The following HABP4 variants were observed in gnomAD, a reference collection of about 807,000 sequenced individuals.
HABP4 encodes hyaluronan binding protein 4.
A neutral mutation model predicts 44.1 loss-of-function variants in HABP4; 32 were observed. The ratio of observed to expected loss-of-function variants is 0.73; its 90% CI spans 0.55 to 0.97. The LOEUF (loss-of-function observed/expected upper bound fraction) is 0.97. Ranked by LOEUF, HABP4 falls within the 50% of genes least tolerant of loss-of-function variation. The pLI, the probability that HABP4 is intolerant of heterozygous loss-of-function variation, is 0.00. For missense variants in HABP4, 503 were observed against 561.9 expected (o/e 0.90, Z 1.06); for synonymous variants, 216 against 218.0 (o/e 0.99, Z 0.08).
rs1392519772 is a variant in HABP4 at position 96,488,247 on chromosome 9, G to C, written c.1158G>C (p.Glu386Asp). The stretch of plus-strand genomic sequence containing the variant: ...GCCGGGGAAGGATCAGGAGGGCAGA[G>C]AACTATGGACCCAGAGCAGAAGTGG... Reference protein sequence around the residue: ...RGGRGRIRRAENYGPRAEVVM... With the variant: ...RGGRGRIRRADNYGPRAEVVM... Residue 386 changes from glutamate to aspartate, a missense_variant, in exon 7 of 8, where the codon GAG becomes GAC. Glu to Asp is a conservative substitution (Grantham distance 45). This residue lies in a region of HABP4 where 82 missense variants were observed against 71.6 expected (regional missense o/e 1.15). Transcript: ENST00000375249. The surrounding 1 kb of genome is among the most constrained non-coding windows in gnomAD (Gnocchi z 4.6). 5 of 1,613,384 alleles carry C rather than the reference G, an allele frequency of 3.1e-6. No individual in the cohort carries two copies. Among genetic ancestry groups the C allele is most frequent in the Non-Finnish European group, 4.2e-6 (5 of 1,179,728 alleles).
intron 6 of HABP4, among the ~76,000 whole-genome samples, chr9:96,485,830 T>C (rs571757410): frequency 6.6e-6 from 1 of 152,332 alleles, no homozygotes; most frequent in East Asian, 1.9e-4. Context: ...GTATTAGTTA[T>C]TGATTTTCAT....
chr9:96,465,270 G>T (rs1832580038), intron 2 of HABP4, 67 bp from the exon 3 acceptor site: 1 of 1,000,452 alleles, frequency 1.0e-6, no homozygotes, highest in Admixed American at 2.1e-5. Flanking sequence ...TTTTCTTTTA[G>T]AATTTTTTTC....
chr9:96,456,896 A>G (rs551894390), intron 1 of HABP4, among the ~76,000 whole-genome samples: 1 of 147,962 alleles, frequency 6.8e-6, no homozygotes, highest in South Asian at 2.1e-4. Context: ...AATTGAAGCC[A>G]CTATAGTAAA....
At chr9:96,469,027 A>G (rs1034085222) in intron 4 of HABP4, among the ~76,000 whole-genome samples, 2 of 152,194 alleles carry the variant, frequency 1.3e-5, no homozygotes, top group Non-Finnish European at 2.9e-5. Flanking sequence ...TTCCTATTTG[A>G]AGACGCTGAC....
rs1321680698 is a variant in HABP4, at chr9:96,467,008, C to T, written c.743+1230C>T. ...CGCGATCTCGGCTCACTGCAACCTCCGCTGCCCAGGTTCAAGTGATTCTCC... is the reference window on the plus strand; with the variant it reads ...CGCGATCTCGGCTCACTGCAACCTCTGCTGCCCAGGTTCAAGTGATTCTCC... On this transcript the variant is annotated intron_variant, in intron 4 of 7. Coordinates refer to ENST00000375249, the MANE Select transcript of HABP4 (RefSeq NM_014282.4). Among the ~76,000 whole-genome samples the T allele has an allele frequency of 5.3e-5, 8 of 151,464 alleles. No homozygotes were observed. The South Asian group carries it at 6.3e-4, about 12-fold the overall frequency.
Position 96,488,870 on chromosome 9 carries a change from T to TAC in HABP4, c.1185+596_1185+597insAC, listed in dbSNP as rs1833024421. On this transcript the variant is annotated intron_variant, in intron 7 of 7. Transcript: ENST00000375249. The surrounding 1 kb of genome is among the most constrained non-coding windows in gnomAD (Gnocchi z 4.6). ...ATCAAGGTCTCGGAGCAAAGGAGTTTCTTTTCATTGAAGCCTGATCTCCGT... is the reference window on the plus strand; with the variant it reads ...ATCAAGGTCTCGGAGCAAAGGAGTTTACCTTTTCATTGAAGCCTGATCTCCGT... Among the ~76,000 whole-genome samples, 1 of 152,218 alleles carries TAC rather than the reference T, an allele frequency of 6.6e-6. No individual in the cohort carries two copies. Among genetic ancestry groups the TAC allele is most frequent in the Non-Finnish European group, 1.5e-5 (1 of 68,036 alleles).
Position 96,458,324 on chromosome 9 carries a change from G to A in HABP4, c.350-55G>A, listed in dbSNP as rs973828287. Reference sequence around the variant, plus strand: ...TTACAAGTACCTGTAAAGTTTAATAGTGTGCTGTTGCAGATGTTGTGTTCC... The same window carrying A: ...TTACAAGTACCTGTAAAGTTTAATAATGTGCTGTTGCAGATGTTGTGTTCC... On this transcript the variant is annotated intron_variant, in intron 1 of 7. Coordinates refer to ENST00000375249, the MANE Select transcript of HABP4 (RefSeq NM_014282.4). The A allele has an allele frequency of 3.4e-6, 5 of 1,479,384 alleles. No individual in the cohort carries two copies. In the Admixed American group the frequency reaches 5.0e-5, roughly 15 times the overall value. 91.6% of individuals were successfully genotyped at this position (1,479,384 alleles called of 1,614,324 possible). A position where few individuals can be genotyped will look rare whatever the true frequency, so the allele number is the denominator to read the frequency against.
At position 96,450,185 on chromosome 9, in the gene HABP4, T is replaced by C. The variant is rs1027255989; in HGVS notation, c.-95T>C. On this transcript the variant is annotated 5_prime_UTR_variant, in exon 1 of 8. Coordinates refer to ENST00000375249, the MANE Select transcript of HABP4 (RefSeq NM_014282.4). This position sits in a 1 kb window ranked among gnomAD's most constrained non-coding sequence, Gnocchi z 4.8. ...GGACAGGGTAGGGCCCGGAGGGCGG[T>C]GGCGGCGGAGCGGGCGGCATGGGTC... The C allele has an allele frequency of 8.5e-7, 1 of 1,175,268 alleles. No individual in the cohort carries two copies. The highest frequency in any genetic ancestry group is 1.1e-6 in the Non-Finnish European group (1 of 945,460). 72.8% of individuals were successfully genotyped at this position (1,175,268 alleles called of 1,614,324 possible).
intron 2 of HABP4, among the ~76,000 whole-genome samples, chr9:96,459,143 T>A (rs1832455454): frequency 6.6e-6 from 1 of 152,116 alleles, no homozygotes; most frequent in South Asian, 2.1e-4. Context: ...TACACAGGAG[T>A]GTGTTGAACT....
In HABP4 at chr9:96,450,250, C is replaced by T. The variant is rs1832241934; in HGVS notation, c.-30C>T. The T allele has an allele frequency of 1.0e-5, 14 of 1,381,780 alleles. No homozygotes were observed. The highest frequency in any genetic ancestry group is 1.2e-5 in the Non-Finnish European group (13 of 1,056,364). The allele number at this position is 1,381,780 out of a possible 1,614,324, so 85.6% of individuals were successfully genotyped here. On this transcript the variant is annotated 5_prime_UTR_variant, in exon 1 of 8. Coordinates refer to ENST00000375249, the MANE Select transcript of HABP4 (RefSeq NM_014282.4). This position sits in a 1 kb window ranked among gnomAD's most constrained non-coding sequence, Gnocchi z 4.8. ...CGCTGAGACGCGCTCGCGTGGGCTG[C>T]CCTCCCGGGCCCGCAGTGGTCGCGG...
At chr9:96,486,843 C>A (rs1186814301) in intron 6 of HABP4, among the ~76,000 whole-genome samples, 1 of 151,988 alleles carries the variant, frequency 6.6e-6, no homozygotes, top group Non-Finnish European at 1.5e-5. Flanking sequence ...GCAAGTGGAG[C>A]CCAAGCCTTA....
intron 5 of HABP4, among the ~76,000 whole-genome samples, chr9:96,475,102 C>T (rs911636283): frequency 1.5e-4 from 23 of 152,138 alleles, no homozygotes; most frequent in Admixed American, 7.2e-4. Flanking sequence ...ATTGGCCAGG[C>T]GCGGTGGCTC....
Position 96,454,112 on chromosome 9 carries a change from C to G in HABP4, c.349+3484C>G, listed in dbSNP as rs1832332830. ...TTTAATATGGTGTACAGTAAATGTC[C>G]TATTTTAAGTTTGATGAATTCCAAA... On this transcript the variant is annotated intron_variant, in intron 1 of 7. Coordinates refer to ENST00000375249, the MANE Select transcript of HABP4 (RefSeq NM_014282.4). Among the ~76,000 whole-genome samples the G allele has an allele frequency of 2.0e-5, 3 of 152,056 alleles. No individual in the cohort carries two copies. In the South Asian group the frequency reaches 6.2e-4, roughly 32 times the overall value.
intron 4 of HABP4, among the ~76,000 whole-genome samples, chr9:96,470,600 A>C (rs1443533040): frequency 1.3e-5 from 2 of 152,026 alleles, no homozygotes; most frequent in African/African-American, 4.8e-5. Context: ...TTTAAAAAAA[A>C]ACTTACTTTA....
chr9:96,468,635 C>T lies in HABP4; in HGVS notation c.744-2376C>T, dbSNP rs111323858. On this transcript the variant is annotated intron_variant, in intron 4 of 7. Transcript: ENST00000375249. ...GTCAAACTTCTGGGCTCAAGCAATT[C>T]ACCTGCCTTGGCTCCCAAAGAGCTA... Among the ~76,000 whole-genome samples, 1,279 of 152,146 alleles carry T rather than the reference C, an allele frequency of 8.4e-3. 11 individuals carry two copies. The highest frequency in any genetic ancestry group is 0.014 in the Non-Finnish European group (968 of 67,990).
At chr9:96,459,448 A>G (rs938611749) in intron 2 of HABP4, among the ~76,000 whole-genome samples, 1 of 151,910 alleles carries the variant, frequency 6.6e-6, no homozygotes, top group Non-Finnish European at 1.5e-5. Context: ...TGGCCACCGC[A>G]CTCCACCTCA....
At chr9:96,471,948 C>A (rs944723432) in intron 5 of HABP4, among the ~76,000 whole-genome samples, 9 of 152,090 alleles carry the variant, frequency 5.9e-5, no homozygotes, top group African/African-American at 2.2e-4. Flanking sequence ...TGCTACCATG[C>A]CCGGCTAATT....
rs1387976202 is a variant in HABP4, at chr9:96,490,770, A to G, written c.*732A>G. On this transcript the variant is annotated 3_prime_UTR_variant, in exon 8 of 8. Coordinates refer to ENST00000375249, the MANE Select transcript of HABP4 (RefSeq NM_014282.4). ...CCATGTTATTTAACCTGCCAATCAA[A>G]TGGAAAGGGATCATGGCAAAAGCAA... The G allele has an allele frequency of 1.3e-5, 2 of 152,216 alleles. No individual in the cohort carries two copies. The highest frequency in any genetic ancestry group is 2.9e-5 in the Non-Finnish European group (2 of 68,036). 9.4% of individuals were successfully genotyped at this position (152,216 alleles called of 1,614,324 possible). A position where few individuals can be genotyped will look rare whatever the true frequency, so the allele number is the denominator to read the frequency against.
chr9:96,480,568 C>T (rs1258093719), intron 5 of HABP4, among the ~76,000 whole-genome samples: 3 of 152,114 alleles, frequency 2.0e-5, no homozygotes, highest in African/African-American at 7.2e-5. Context: ...TAAATGCTAC[C>T]ATTTATATCT....
Sources: gnomAD v4.1 joint callset for allele counts (sites outside exome capture counted in the v4.1 genomes callset) on GRCh38, gnomAD v4.1.1 for gene constraint, gnomAD v4.1.1 regional missense constraint, Gnocchi (gnomAD v3.1) non-coding constraint, MANE v1.5 for transcripts, NCBI Gene and HGNC (gene_info 2026-07-23, HGNC 2026-07-21) for gene names.